Variants in SLC46A3 observed in about 807,000 individuals in gnomAD.
SLC46A3 encodes the protein solute carrier family 46 member 3.
SLC46A3 carries 26 observed loss-of-function variants against 38.5 expected under a neutral mutation model. That is an observed-to-expected ratio of 0.68 (90% CI 0.49 to 0.94). SLC46A3 has a LOEUF of 0.94. Ranked by LOEUF, SLC46A3 falls within the 40% of genes least tolerant of loss-of-function variation. SLC46A3 has a pLI of 0.00. For synonymous variants in SLC46A3, 185 were observed against 192.5 expected (o/e 0.96, Z 0.32); for missense variants, 510 against 544.3 (o/e 0.94, Z 0.63).
chr13:28,711,190 C>T (rs555754177), intron 3 of SLC46A3, among the ~76,000 whole-genome samples: 124 of 152,178 alleles, frequency 8.1e-4, no homozygotes, highest in Admixed American at 8.0e-3. Flanking sequence ...TTTGGGAGGC[C>T]GAGGAGGGCA....
At position 28,713,254 on chromosome 13, in the gene SLC46A3, G is replaced by GCCTGAT; in HGVS notation, c.485_486insATCAGG (p.His162delinsGlnSerGly). 1 of 1,613,528 alleles carries GCCTGAT rather than the reference G, an allele frequency of 6.2e-7. No homozygotes were observed. Among genetic ancestry groups the GCCTGAT allele is most frequent in the Non-Finnish European group, 8.5e-7 (1 of 1,179,912 alleles). On this transcript the variant is annotated protein_altering_variant, in exon 3 of 6. Transcript: ENST00000266943. ...TAGCTATTCGAATTGTTTTTTGTTTGTGTTCTTTACACTGATCAACTATAT... is the reference window on the plus strand; with the variant it reads ...TAGCTATTCGAATTGTTTTTTGTTTGCCTGATTGTTCTTTACACTGATCAACTATAT...
chr13:28,702,777 AGC>A (rs1217531985), intron 5 of SLC46A3, among the ~76,000 whole-genome samples: 1 of 152,266 alleles, frequency 6.6e-6, no homozygotes, highest in Non-Finnish European at 1.5e-5. Context: ...GACATGAGCC[AGC>A]CCTTTAGGGA....
At chr13:28,711,975 A>G (rs555791359) in intron 3 of SLC46A3, among the ~76,000 whole-genome samples, 2 of 152,340 alleles carry the variant, frequency 1.3e-5, no homozygotes, top group African/African-American at 2.4e-5. Flanking sequence ...ATCTAGTACT[A>G]TAGATGGAAG....
intron 3 of SLC46A3, among the ~76,000 whole-genome samples, chr13:28,712,304 A>G (rs775949543): frequency 6.6e-6 from 1 of 152,174 alleles, no homozygotes; most frequent in Non-Finnish European, 1.5e-5. Context: ...TTTTTTTCTT[A>G]TAAGTATTTT....
At chr13:28,703,156 C>T (rs1213336405) in intron 5 of SLC46A3, among the ~76,000 whole-genome samples, 1 of 152,080 alleles carries the variant, frequency 6.6e-6, no homozygotes, top group Non-Finnish European at 1.5e-5. Flanking sequence ...GAATTTTGTG[C>T]TTCTTTAATT....
intron 2 of SLC46A3, among the ~76,000 whole-genome samples, chr13:28,715,791 T>G (rs957850253): frequency 1.3e-5 from 2 of 152,160 alleles, no homozygotes; most frequent in Non-Finnish European, 2.9e-5. Context: ...ACATTGTATG[T>G]ATCAAAACAC....
rs746385518 is a variant in SLC46A3, at chr13:28,710,770, C to A, written c.1134G>T (p.Ser378=). ...LRSMLSKVVR[S]TEQGTLFACI... is the part of the protein sequence containing the mutation. ...GCAAATTAAACTCACCTTGTTCAGT[C>A]GAACGAACCACTTTTGACAACATGG... The change falls in exon 4 of 6, where the codon TCG becomes TCT. Residue 378 remains serine, a synonymous_variant. Coordinates refer to ENST00000266943, the MANE Select transcript of SLC46A3 (RefSeq NM_181785.4). The A allele has an allele frequency of 1.9e-6, 3 of 1,613,050 alleles. No individual in the cohort carries two copies. Among genetic ancestry groups the A allele is most frequent in the South Asian group, 2.2e-5 (2 of 90,994 alleles).
intron 4 of SLC46A3, among the ~76,000 whole-genome samples, chr13:28,705,280 TA>T (rs1260485754): frequency 6.6e-6 from 1 of 152,202 alleles, no homozygotes; most frequent in Non-Finnish European, 1.5e-5. Flanking sequence ...ACAAATCATG[TA>T]AATAATTGTG....
intron 4 of SLC46A3, among the ~76,000 whole-genome samples, chr13:28,705,561 A>C (rs913116516): frequency 1.6e-4 from 25 of 152,192 alleles, no homozygotes; most frequent in Non-Finnish European, 3.5e-4. Context: ...CTTTTGACTA[A>C]AATGAAAGCT....
intron 5 of SLC46A3, 40 bp downstream of exon 5, chr13:28,703,903 C>T: frequency 6.4e-7 from 1 of 1,562,194 alleles, no homozygotes; most frequent in Middle Eastern, 1.7e-4. Context: ...TCACTTAATC[C>T]ATATACCCTC....
In SLC46A3 at chr13:28,701,605, T is replaced by C. The variant is rs570645434; in HGVS notation, c.1302-24A>G. 6.2e-6 allele frequency: 10 copies of C among 1,603,284 alleles called. No homozygotes were observed. In the East Asian group the frequency reaches 2.2e-4, roughly 36 times the overall value. ...CACTATAAAAGGAAACAAGACATTT[T>C]AAAGTTGAGATTAAGACAATACATA... On this transcript the variant is annotated intron_variant, in intron 5 of 5. Coordinates refer to ENST00000266943, the MANE Select transcript of SLC46A3 (RefSeq NM_181785.4).
intron 4 of SLC46A3, 88 bp from the exon 5 acceptor site, chr13:28,704,187 C>A: frequency 1.6e-6 from 2 of 1,220,612 alleles, no homozygotes; most frequent in Non-Finnish European, 1.1e-6. Context: ...AACTGTTACT[C>A]ATTGAAAACA....
intron 5 of SLC46A3, 168 bp downstream of exon 5, chr13:28,703,775 C>G: frequency 4.3e-6 from 2 of 461,122 alleles, no homozygotes; most frequent in Non-Finnish European, 7.6e-6. Flanking sequence ...CTGTGTCATT[C>G]CAATTTTGTA....
chr13:28,702,158 T>TA (rs1885042026), intron 5 of SLC46A3, among the ~76,000 whole-genome samples: 1 of 152,208 alleles, frequency 6.6e-6, no homozygotes, highest in Middle Eastern at 3.4e-3. Flanking sequence ...AAATCTGTTT[T>TA]TTTTTGGTAA....
At chr13:28,711,721 A>G (rs1324856970) in intron 3 of SLC46A3, among the ~76,000 whole-genome samples, 3 of 152,254 alleles carry the variant, frequency 2.0e-5, no homozygotes, top group African/African-American at 7.2e-5. Context: ...ATAGTAAAAT[A>G]TGACATTAGC....
At chr13:28,704,124 GA>G (rs1885109948) in intron 4 of SLC46A3, 25 bp from the exon 5 acceptor site, 2 of 1,509,412 alleles carry the variant, frequency 1.3e-6, no homozygotes, top group Non-Finnish European at 1.8e-6. Flanking sequence ...GATAGAGAGA[GA>G]GGAAAAAAAA....
Position 28,717,917 on chromosome 13 carries a change from C to T in SLC46A3, c.82G>A (p.Val28Ile). The T allele has an allele frequency of 1.2e-6, 2 of 1,614,126 alleles. No individual in the cohort carries two copies. The highest frequency in any genetic ancestry group is 8.5e-7 in the Non-Finnish European group (1 of 1,180,018). ...TLTGPLTTQY[V>I]YRRIWEETGN... is the part of the protein sequence containing the mutation. ...GTTTCTTCCCATATTCTCCGATAAA[C>T]ATATTGCGTTGTCAGTGGACCGGTC... Residue 28 changes from valine to isoleucine, a missense_variant, in exon 2 of 6, where the codon GTT becomes ATT. Physicochemically the swap from Val to Ile is conservative, Grantham distance 29 (BLOSUM62 3). Transcript: ENST00000266943.
At position 28,717,813 on chromosome 13, in the gene SLC46A3, C is replaced by T; in HGVS notation, c.186G>A (p.Gln62=). Residue 62 remains glutamine (Q), a synonymous_variant, in exon 2 of 6, where the codon CAG becomes CAA. Transcript: ENST00000266943. Reference sequence around the variant, plus strand: ...TATGGATATTGTAATTTCTTACCTCCTGGAATGCAAAAATTGGGCTGCTTT... The same window carrying T: ...TATGGATATTGTAATTTCTTACCTCTTGGAATGCAAAAATTGGGCTGCTTT... The part of the protein sequence containing the change: ...KNKSSPIFAF[Q]EEVQKKVSRF... 6.2e-7 allele frequency: 1 copy of T among 1,612,970 alleles called. No homozygotes were observed. Among genetic ancestry groups the T allele is most frequent in the Non-Finnish European group, 8.5e-7 (1 of 1,179,630 alleles).
chr13:28,713,554 C>A lies in SLC46A3; in HGVS notation c.190-4G>T. ...GTGACACTTTTTTCTGAACTTCCTG[C>A]AAAGAAATATAAAGAAGACAATGTG... On this transcript the variant is annotated splice_polypyrimidine_tract_variant and splice_region_variant and intron_variant, in intron 2 of 5. Coordinates refer to ENST00000266943, the MANE Select transcript of SLC46A3 (RefSeq NM_181785.4). 1 of 1,598,072 alleles carries A rather than the reference C, an allele frequency of 6.3e-7. No homozygotes were observed. The highest frequency in any genetic ancestry group is 1.1e-5 in the South Asian group (1 of 88,988).
Sources: allele counts gnomAD v4.1 joint callset (sites outside exome capture counted in the v4.1 genomes callset), GRCh38; gene constraint gnomAD v4.1.1; transcripts MANE v1.5; gene names NCBI Gene and HGNC (gene_info 2026-07-23, HGNC 2026-07-21).